AGO1: variants seen among roughly 807,000 people sequenced by gnomAD.
AGO1 encodes the protein argonaute RISC component 1.
In AGO1, 11 loss-of-function variants were observed where a neutral mutation model predicts 109.2. The observed-to-expected ratio is 0.10, with a 90% CI of 0.06 to 0.17. The LOEUF is 0.17. AGO1 is among the 10% of genes least tolerant of loss of function. AGO1 has a pLI of 1.00. For synonymous variants in AGO1, 422 were observed against 418.6 expected, an observed-to-expected ratio of 1.01 and a Z score of -0.10; for missense variants, 574 against 1,140.3, an observed-to-expected ratio of 0.50 and a Z score of 7.15.
chr1:35,908,795 C>T (rs1307552211), intron 12 of AGO1, among the ~76,000 whole-genome samples: 1 of 150,860 alleles, frequency 6.6e-6, no homozygotes, highest in Non-Finnish European at 1.5e-5. Context: ...ATCCACACTT[C>T]TCAACTGAGT....
intron 8 of AGO1, among the ~76,000 whole-genome samples, chr1:35,897,033 T>C (rs1645332610): frequency 1.3e-5 from 2 of 152,208 alleles, no homozygotes; most frequent in South Asian, 4.1e-4. Context: ...TTTATCGAGC[T>C]CCTACTATGT....
At chr1:35,889,140 C>G (rs1244019260) in intron 2 of AGO1, among the ~76,000 whole-genome samples, 1 of 149,376 alleles carries the variant, frequency 6.7e-6, no homozygotes, top group Non-Finnish European at 1.5e-5. Flanking sequence ...TTGTAGGATG[C>G]ACAGTTGGAG....
upstream of AGO1, chr1:35,882,863 G>A (rs181122713): frequency 1.5e-3 from 1,449 of 985,412 alleles, 17 homozygotes; most frequent in African/African-American, 0.024. This position sits in a 1 kb window ranked among gnomAD's most constrained non-coding sequence, Gnocchi z 5.1. Context: ...TGGAGTGCCA[G>A]GGGGTCTGGG....
At chr1:35,911,837 T>C (rs1393242498) in intron 12 of AGO1, among the ~76,000 whole-genome samples, 1 of 152,166 alleles carries the variant, frequency 6.6e-6, no homozygotes, top group Non-Finnish European at 1.5e-5. Context: ...TTTTACCTCA[T>C]CTCTTAGACA....
chr1:35,903,031 A>C (rs1571359229), intron 11 of AGO1, among the ~76,000 whole-genome samples: 1 of 134,640 alleles, frequency 7.4e-6, no homozygotes, highest in Non-Finnish European at 1.6e-5. Context: ...TTTAAGACAG[A>C]GTCTTGCTCT....
chr1:35,883,104 G>A, upstream of AGO1: 3 of 1,072,810 alleles, frequency 2.8e-6, no homozygotes, highest in Non-Finnish European at 3.4e-6. The surrounding 1 kb of genome is among the most constrained non-coding windows in gnomAD (Gnocchi z 5.4). Flanking sequence ...CCGCTGCCTT[G>A]GGTCCCCGGT....
In AGO1 at chr1:35,895,202, T is replaced by C. The variant is rs757631001; in HGVS notation, c.953T>C (p.Leu318Pro). The change falls in exon 8 of 19, where the codon CTC (leucine) becomes CCC (proline). Residue 318 changes from leucine (L) to proline (P), a missense_variant. By Grantham distance (98) the Leu-to-Pro change is moderately conservative. Around this residue, in one of 8 missense-constraint regions of AGO1, gnomAD observed 42 missense variants for 142.4 expected, o/e 0.29. Transcript: ENST00000373204. ...TTCAAGCAGAAATATAACCTTCAGC[T>C]CAAGTATCCCCATCTGCCCTGCCTA... ...QYFKQKYNLQ[L>P]KYPHLPCLQV... The C allele has an allele frequency of 1.4e-5, 22 of 1,614,100 alleles. No individual in the cohort carries two copies. The highest frequency in any genetic ancestry group is 1.9e-5 in the Non-Finnish European group (22 of 1,180,000).
In AGO1 at chr1:35,919,685, A is replaced by G. The variant is rs1645797129; in HGVS notation, c.*78A>G. ...AGCTGTGCCACCCAAATCCAGAGGA[A>G]GCAAGGAGGAGGGAGGTGGGGTAGG... On this transcript the variant is annotated 3_prime_UTR_variant, in exon 19 of 19. Transcript: ENST00000373204. This position sits in a 1 kb window ranked among gnomAD's most constrained non-coding sequence, Gnocchi z 6.6. The G allele has an allele frequency of 5.1e-6, 7 of 1,368,866 alleles. No homozygotes were observed. The allele number at this position is 1,368,866 out of a possible 1,614,324, so 84.8% of individuals were successfully genotyped here.
chr1:35,876,327 T>C (rs770128328), intron 1 of AGO1, among the ~76,000 whole-genome samples: 8 of 151,434 alleles, frequency 5.3e-5, no homozygotes, highest in Non-Finnish European at 1.0e-4. Flanking sequence ...AGTACAGTGG[T>C]GCGATCTCGG....
chr1:35,879,448 C>CA (rs199651480), upstream of AGO1, among the ~76,000 whole-genome samples: 9,417 of 143,114 alleles, frequency 0.066, 993 homozygotes, highest in African/African-American at 0.23. Context: ...AACTCCATCT[C>CA]AAAAAAAAAT....
At chr1:35,892,933 C>T (rs76943925) in intron 3 of AGO1, among the ~76,000 whole-genome samples, 164 bp from the exon 4 acceptor site, 355 of 152,326 alleles carry the variant, frequency 2.3e-3, no homozygotes, top group African/African-American at 8.3e-3. Context: ...GGAACAGAAG[C>T]ACTGAGCCAA....
intron 12 of AGO1, 113 bp from the exon 13 acceptor site, chr1:35,913,729 A>G (rs955719329): frequency 1.2e-5 from 13 of 1,093,004 alleles, no homozygotes; most frequent in Middle Eastern, 2.3e-4. Flanking sequence ...TAAGGACCTT[A>G]TGTGTTTCCT....
At position 35,902,356 on chromosome 1, in the gene AGO1, A is replaced by C. The variant is rs1645433491; in HGVS notation, c.1397+19A>C. On this transcript the variant is annotated intron_variant, in intron 11 of 18. Transcript: ENST00000373204. ...TGCTCAAGTAAGGAGGGTTCGCTGT[A>C]GGGGTGGAAGGGTGGGAAGGACCCT... The C allele has an allele frequency of 6.2e-7, 1 of 1,610,346 alleles. No individual in the cohort carries two copies. The highest frequency in any genetic ancestry group is 8.5e-7 in the Non-Finnish European group (1 of 1,178,006).
rs554900025 is a variant in AGO1, at chr1:35,910,711, T to C, written c.1583-3131T>C. 3.9e-5 allele frequency among the ~76,000 whole-genome samples: 6 copies of C among 152,356 alleles called. No homozygotes were observed. In the East Asian group the frequency reaches 9.6e-4, roughly 24 times the overall value. ...TCCATCATATGAATATAACACCATT[T>C]CCATCTATCCATTCTGTTAATACAC... On this transcript the variant is annotated intron_variant, in intron 12 of 18. Coordinates refer to ENST00000373204, the MANE Select transcript of AGO1 (RefSeq NM_012199.5).
chr1:35,895,946 C>T (rs529276127), intron 8 of AGO1, among the ~76,000 whole-genome samples: 11 of 152,296 alleles, frequency 7.2e-5, no homozygotes, highest in Middle Eastern at 3.4e-3. Flanking sequence ...TAGGCATTAC[C>T]TGAGAGCTTG....
rs1646011287 is a variant in AGO1 at position 35,930,306 on chromosome 1, G to A, written c.*10699G>A. The A allele has an allele frequency of 6.6e-6, 1 of 152,186 alleles. No homozygotes were observed. The allele number at this position is 152,186 out of a possible 1,614,324, so 9.4% of individuals were successfully genotyped here. On this transcript the variant is annotated 3_prime_UTR_variant, in exon 19 of 19. Coordinates refer to ENST00000373204, the MANE Select transcript of AGO1 (RefSeq NM_012199.5). The stretch of plus-strand genomic sequence containing the variant: ...GCAAAAAAAAGCTGTGGGGTAGGGC[G>A]TAAGGGGAGGGTGGAGAAGAGAGAG...
intron 8 of AGO1, 103 bp downstream of exon 8, chr1:35,895,372 C>A: frequency 7.5e-7 from 1 of 1,327,736 alleles, no homozygotes. Flanking sequence ...AACTGACATT[C>A]TGAGAAGGTA....
At chr1:35,904,275 T>C (rs1051276317) in intron 11 of AGO1, among the ~76,000 whole-genome samples, 8 of 151,818 alleles carry the variant, frequency 5.3e-5, no homozygotes, top group Admixed American at 4.6e-4. Context: ...CTGGCCAATT[T>C]TTTGTATTTT....
rs1256609372 is a variant in AGO1 at position 35,922,191 on chromosome 1, T to C, written c.*2584T>C. 6 of 152,706 alleles carry C rather than the reference T, an allele frequency of 3.9e-5. No individual in the cohort carries two copies. The highest frequency in any genetic ancestry group is 1.2e-4 in the African/African-American group (5 of 41,466). The allele number at this position is 152,706 out of a possible 1,614,324, so 9.5% of individuals were successfully genotyped here. Reference sequence around the variant, plus strand: ...CTCCAGTTGGTTTTCAGCTGGGGCTTGAAATGCATTTTTAGCCCTTTGACG... The same window carrying C: ...CTCCAGTTGGTTTTCAGCTGGGGCTCGAAATGCATTTTTAGCCCTTTGACG... On this transcript the variant is annotated 3_prime_UTR_variant, in exon 19 of 19. Coordinates refer to ENST00000373204, the MANE Select transcript of AGO1 (RefSeq NM_012199.5).
Sources: gnomAD v4.1 joint callset for allele counts (sites outside exome capture counted in the v4.1 genomes callset) on GRCh38, gnomAD v4.1.1 for gene constraint, gnomAD v4.1.1 regional missense constraint, Gnocchi (gnomAD v3.1) non-coding constraint, MANE v1.5 for transcripts, NCBI Gene and HGNC (gene_info 2026-07-23, HGNC 2026-07-21) for gene names.